Variants in STPG2 observed in about 807,000 individuals in gnomAD.
STPG2 encodes the protein sperm-tail PG-rich repeat-containing protein 2.
A neutral mutation model predicts 54.2 loss-of-function variants in STPG2; 56 were observed. The ratio of observed to expected loss-of-function variants is 1.03; its 90% confidence interval spans 0.83 to 1.29. The LOEUF is 1.29. Among genes scored for constraint, STPG2 ranks in the 50% most tolerant of loss-of-function variants. The pLI, the probability that STPG2 is intolerant of heterozygous loss-of-function variation, is 0.00. For missense variants in STPG2, 596 were observed against 544.9 expected (o/e 1.09, Z -0.93); for synonymous variants, 200 against 181.8 (o/e 1.10, Z -0.81).
intron 8 of STPG2, among the ~76,000 whole-genome samples, chr4:97,933,354 G>C (rs1481565155): frequency 1.3e-5 from 2 of 151,970 alleles, no homozygotes; most frequent in Admixed American, 6.6e-5. Flanking sequence ...GTGTGCAGAA[G>C]CTCTTTAGTT....
intron 7 of STPG2, among the ~76,000 whole-genome samples, chr4:97,965,204 G>A (rs901136073): frequency 2.0e-5 from 3 of 152,276 alleles, no homozygotes; most frequent in Admixed American, 1.3e-4. Flanking sequence ...TGCCTGGCTC[G>A]ATGGGTCCCA....
At chr4:97,457,867 T>C (rs984256243) in intron 4 of STPG2, among the ~76,000 whole-genome samples, 5 of 152,118 alleles carry the variant, frequency 3.3e-5, no homozygotes, top group Non-Finnish European at 7.4e-5. Flanking sequence ...AGAGGAAAAT[T>C]TAATGGCTTA....
intron 5 of STPG2, among the ~76,000 whole-genome samples, chr4:98,072,570 TAATAA>T (rs10646385): frequency 0.015 from 2,126 of 144,952 alleles, 43 homozygotes; most frequent in African/African-American, 0.05. Flanking sequence ...GAAGGGAAAA[TAATAA>T]AATAAAATAA....
Position 98,109,235 on chromosome 4 carries a change from G to A in STPG2, c.458C>T (p.Pro153Leu), listed in dbSNP as rs1578173944. 1.2e-6 allele frequency: 2 copies of A among 1,610,756 alleles called. No homozygotes were observed. The highest frequency in any genetic ancestry group is 1.1e-5 in the South Asian group (1 of 90,778). ...TCCTGGACCAGGACCTGACTTTTTAGGTAACTCTTGTCTTCCTGAAGAGTT... is the reference window on the plus strand; with the variant it reads ...TCCTGGACCAGGACCTGACTTTTTAAGTAACTCTTGTCTTCCTGAAGAGTT... ...FGNSSGRQEL[P>L]KKSGPGPGQY... is the part of the protein sequence containing the mutation. The change falls in exon 4 of 11, where the codon CCT (proline) becomes CTT (leucine). Residue 153 changes from proline (P) to leucine (L), a missense_variant. Pro to Leu is a moderately conservative substitution (Grantham distance 98, BLOSUM62 -3). Coordinates refer to ENST00000295268, the MANE Select transcript of STPG2 (RefSeq NM_174952.3).
At chr4:97,917,371 A>G (rs7674407) in intron 8 of STPG2, 57,462 of 152,092 alleles carry the variant, frequency 0.38, 10,947 homozygotes, top group Middle Eastern at 0.46. Flanking sequence ...AACGACTGAG[A>G]GAGGCACTGC....
chr4:98,039,226 A>G (rs2149305657), intron 5 of STPG2, among the ~76,000 whole-genome samples: 1 of 151,918 alleles, frequency 6.6e-6, no homozygotes, highest in Non-Finnish European at 1.5e-5. Flanking sequence ...ATTAGTATGT[A>G]TATATATAAA....
At chr4:97,712,248 C>A (rs1724146215) in intron 10 of STPG2, among the ~76,000 whole-genome samples, 1 of 152,016 alleles carries the variant, frequency 6.6e-6, no homozygotes, top group African/African-American at 2.4e-5. Flanking sequence ...TTAAAAGACA[C>A]CTTTATTTAT....
chr4:97,909,609 A>G (rs1196197246), intron 8 of STPG2, among the ~76,000 whole-genome samples: 4 of 152,162 alleles, frequency 2.6e-5, no homozygotes, highest in African/African-American at 7.2e-5. Flanking sequence ...TACATCAAAA[A>G]CACCTACATT....
chr4:97,508,745 T>C (rs1730906886), intron 4 of STPG2, among the ~76,000 whole-genome samples: 3 of 152,052 alleles, frequency 2.0e-5, no homozygotes. Context: ...TTATTAATTA[T>C]AGCATGAAAA....
At chr4:98,076,113 G>A (rs969943577) in intron 5 of STPG2, among the ~76,000 whole-genome samples, 35 of 151,860 alleles carry the variant, frequency 2.3e-4, no homozygotes, top group Admixed American at 1.2e-3. Flanking sequence ...GCGTGGTGGC[G>A]GGCGCCTGTA....
chr4:98,092,266 A>T (rs998731010), intron 5 of STPG2, among the ~76,000 whole-genome samples: 1 of 152,082 alleles, frequency 6.6e-6, no homozygotes, highest in African/African-American at 2.4e-5. Context: ...TAAAAATTGA[A>T]AAACTTTCCT....
chr4:97,792,313 T>A (rs1192889994), intron 9 of STPG2, among the ~76,000 whole-genome samples: 3 of 152,152 alleles, frequency 2.0e-5, no homozygotes, highest in Non-Finnish European at 4.4e-5. Context: ...CTATCTCAGA[T>A]AATGGCAAAT....
At chr4:97,892,091 G>A (rs553808472) in intron 8 of STPG2, among the ~76,000 whole-genome samples, 2 of 152,018 alleles carry the variant, frequency 1.3e-5, no homozygotes, top group Non-Finnish European at 2.9e-5. Context: ...CTCTACCAAC[G>A]TACTTATCAC....
chr4:97,696,379 T>C (rs1723574605), intron 10 of STPG2, among the ~76,000 whole-genome samples: 1 of 152,202 alleles, frequency 6.6e-6, no homozygotes, highest in South Asian at 2.1e-4. Context: ...AAACTCAAGA[T>C]GGATCAAAGT....
intron 7 of STPG2, among the ~76,000 whole-genome samples, chr4:97,959,949 C>T (rs549290095): frequency 6.6e-6 from 1 of 152,108 alleles, no homozygotes; most frequent in South Asian, 2.1e-4. Context: ...AAATCCTTAA[C>T]AAAATACTAG....
At chr4:97,622,157 C>T (rs1734027739) in intron 10 of STPG2, among the ~76,000 whole-genome samples, 1 of 152,156 alleles carries the variant, frequency 6.6e-6, no homozygotes. Flanking sequence ...ATGACAAACT[C>T]ACAGCCAACA....
chr4:97,616,094 ATG>A (rs1553942951), intron 10 of STPG2, among the ~76,000 whole-genome samples: 23 of 93,806 alleles, frequency 2.5e-4, no homozygotes, highest in East Asian at 1.3e-3. Flanking sequence ...ATATATATAT[ATG>A]TATGTATATT....
At chr4:97,596,616 A>C (rs1261131927) in intron 10 of STPG2, among the ~76,000 whole-genome samples, 1 of 152,224 alleles carries the variant, frequency 6.6e-6, no homozygotes, top group Non-Finnish European at 1.5e-5. Flanking sequence ...AAGATTGCTC[A>C]AAACTATACA....
chr4:98,072,798 T>C (rs1738046474), intron 5 of STPG2, among the ~76,000 whole-genome samples: 1 of 152,156 alleles, frequency 6.6e-6, no homozygotes, highest in South Asian at 2.1e-4. Context: ...ATTATCTCCT[T>C]ATCAGCCAAA....
Sources: allele counts gnomAD v4.1 joint callset (sites outside exome capture counted in the v4.1 genomes callset), GRCh38; gene constraint gnomAD v4.1.1; transcripts MANE v1.5; gene names NCBI Gene and HGNC (gene_info 2026-07-23, HGNC 2026-07-21).